C1QTNF3: variants seen among roughly 807,000 people sequenced by gnomAD.
The protein encoded by C1QTNF3 is complement C1q tumor necrosis factor-related protein 3.
Under a neutral mutation model 32.6 loss-of-function variants are expected in C1QTNF3, and 26 were observed. The ratio of observed to expected loss-of-function variants is 0.80; its 90% CI spans 0.58 to 1.11. The LOEUF is 1.11. Ranked by LOEUF, C1QTNF3 falls within the 50% of genes least tolerant of loss-of-function variation. The pLI is 0.00. For synonymous variants in C1QTNF3, 155 were observed against 146.0 expected (o/e 1.06, Z -0.44); for missense variants, 362 against 398.2 (o/e 0.91, Z 0.77).
chr5:34,045,192 C>T (rs537351773), upstream of C1QTNF3, among the ~76,000 whole-genome samples: 5 of 152,342 alleles, frequency 3.3e-5, no homozygotes, highest in African/African-American at 1.2e-4. Flanking sequence ...ACGAAGTGGG[C>T]CATACTGCTA....
At chr5:34,127,017 T>C in the C1QTNF3 span, among the ~76,000 whole-genome samples, 1 of 152,226 alleles carries the variant, frequency 6.6e-6, no homozygotes, top group Non-Finnish European at 1.5e-5. Flanking sequence ...CCTGTCACTA[T>C]GTACCTTGCT....
chr5:34,105,777 C>A, the C1QTNF3 span: 2 of 147,058 alleles, frequency 1.4e-5, no homozygotes, highest in Non-Finnish European at 3.0e-5. Flanking sequence ...TTATTAAGTT[C>A]CATTGAAGTT....
At chr5:34,102,664 C>T in the C1QTNF3 span, among the ~76,000 whole-genome samples, 1 of 151,822 alleles carries the variant, frequency 6.6e-6, no homozygotes, top group African/African-American at 2.4e-5. Context: ...GAAAAAATGC[C>T]CCAACAAATG....
the C1QTNF3 span, among the ~76,000 whole-genome samples, chr5:34,062,849 T>G: frequency 6.6e-6 from 1 of 152,244 alleles, no homozygotes; most frequent in Non-Finnish European, 1.5e-5. Flanking sequence ...GATTTTTGAG[T>G]TAGTAAGCTA....
chr5:34,052,745 G>A, the C1QTNF3 span, among the ~76,000 whole-genome samples: 1 of 152,298 alleles, frequency 6.6e-6, no homozygotes, highest in East Asian at 1.9e-4. Flanking sequence ...TACAGCTCAG[G>A]GATTGGAGAA....
At chr5:34,054,469 C>T in the C1QTNF3 span, among the ~76,000 whole-genome samples, 1 of 152,156 alleles carries the variant, frequency 6.6e-6, no homozygotes, top group Non-Finnish European at 1.5e-5. Context: ...CTCAGGTCTG[C>T]CACTGTAGCT....
chr5:34,218,560 C>T, the C1QTNF3 span: 3 of 152,424 alleles, frequency 2.0e-5, no homozygotes, highest in African/African-American at 7.3e-5. Flanking sequence ...AATCTCATAA[C>T]TAACACCTGT....
At chr5:34,172,901 A>G in the C1QTNF3 span, among the ~76,000 whole-genome samples, 1 of 152,210 alleles carries the variant, frequency 6.6e-6, no homozygotes, top group East Asian at 1.9e-4. Flanking sequence ...GCCATCATAA[A>G]CAATGCTGTG....
At chr5:34,142,207 A>AGGTG in the C1QTNF3 span, among the ~76,000 whole-genome samples, 1 of 152,192 alleles carries the variant, frequency 6.6e-6, no homozygotes, top group Admixed American at 6.5e-5. Flanking sequence ...CAAGGTGGGC[A>AGGTG]GATCACCTGA....
the C1QTNF3 span, among the ~76,000 whole-genome samples, chr5:34,052,601 C>T: frequency 1.3e-5 from 2 of 152,322 alleles, no homozygotes; most frequent in Admixed American, 1.3e-4. Flanking sequence ...TCAGTTTCCT[C>T]ATTAGTAGGA....
At chr5:34,195,833 C>CT in the C1QTNF3 span, among the ~76,000 whole-genome samples, 2 of 149,160 alleles carry the variant, frequency 1.3e-5, no homozygotes, top group African/African-American at 5.0e-5. Context: ...GAGCGAGACT[C>CT]TGTCTCAAAA....
chr5:34,075,544 GAAGA>G, the C1QTNF3 span, among the ~76,000 whole-genome samples: 1 of 151,412 alleles, frequency 6.6e-6, no homozygotes, highest in African/African-American at 2.4e-5. Flanking sequence ...ATAAGAGGAG[GAAGA>G]ATTACATTAA....
chr5:34,183,327 C>CTTT, the C1QTNF3 span, among the ~76,000 whole-genome samples: 3 of 140,252 alleles, frequency 2.1e-5, no homozygotes, highest in African/African-American at 8.7e-5. Flanking sequence ...TTTTAATTTT[C>CTTT]TTTTTTTTTT....
chr5:34,136,959 G>A, the C1QTNF3 span, among the ~76,000 whole-genome samples: 4 of 151,856 alleles, frequency 2.6e-5, no homozygotes, highest in African/African-American at 9.7e-5. Flanking sequence ...AGATCACTTG[G>A]ACACAGGGTG....
At chr5:34,079,177 G>C in the C1QTNF3 span, among the ~76,000 whole-genome samples, 1 of 151,470 alleles carries the variant, frequency 6.6e-6, no homozygotes, top group Non-Finnish European at 1.5e-5. Flanking sequence ...ATACAAACTA[G>C]GAGCTAATGG....
the C1QTNF3 span, among the ~76,000 whole-genome samples, chr5:34,090,119 T>G: frequency 6.6e-6 from 1 of 151,972 alleles, no homozygotes; most frequent in Non-Finnish European, 1.5e-5. Flanking sequence ...TGACTGTACT[T>G]GTAAAAATTG....
the C1QTNF3 span, among the ~76,000 whole-genome samples, chr5:34,102,193 T>C: frequency 6.6e-6 from 1 of 152,188 alleles, no homozygotes; most frequent in African/African-American, 2.4e-5. Context: ...ATAACGAATA[T>C]TACCTTTTTA....
chr5:34,131,918 TATA>T, the C1QTNF3 span, among the ~76,000 whole-genome samples: 2 of 152,092 alleles, frequency 1.3e-5, no homozygotes, highest in African/African-American at 2.4e-5. Flanking sequence ...ATTTAAAAAA[TATA>T]ATAATTAAGA....
chr5:34,065,430 C>T, the C1QTNF3 span, among the ~76,000 whole-genome samples: 1 of 152,158 alleles, frequency 6.6e-6, no homozygotes, highest in Non-Finnish European at 1.5e-5. Flanking sequence ...CTTTTGTAGG[C>T]TGAGGCAGGC....
Sources: allele counts gnomAD v4.1 joint callset (sites outside exome capture counted in the v4.1 genomes callset), GRCh38; gene constraint gnomAD v4.1.1; transcripts MANE v1.5; gene names NCBI Gene and HGNC (gene_info 2026-07-23, HGNC 2026-07-21).